ITPR3: variants seen among roughly 807,000 people sequenced by gnomAD.
ITPR3 encodes the protein inositol 1,4,5-trisphosphate-gated calcium channel ITPR3.
ITPR3 carries 173 observed loss-of-function variants against 293.2 expected under a neutral mutation model. That is an observed-to-expected ratio of 0.59 (90% confidence interval 0.52 to 0.67). ITPR3 has a LOEUF of 0.67. Ranked by LOEUF, ITPR3 falls within the 30% of genes least tolerant of loss-of-function variation. ITPR3 has a pLI of 0.00. For synonymous variants in ITPR3, 1,295 were observed against 1,444.4 expected (o/e 0.90, Z 2.35); for missense variants, 2,796 against 3,592.1 (o/e 0.78, Z 5.66).
intron 1 of ITPR3, among the ~76,000 whole-genome samples, chr6:33,631,661 G>C (rs958971763): frequency 6.6e-6 from 1 of 152,308 alleles, no homozygotes; most frequent in African/African-American, 2.4e-5. Context: ...ATGACTGCGC[G>C]CAGGCCTGGA....
intron 13 of ITPR3, 33 bp downstream of exon 13, chr6:33,665,246 G>T: frequency 6.2e-7 from 1 of 1,600,660 alleles, no homozygotes. Flanking sequence ...TTTTCTGAGT[G>T]ATCTTGCCCT....
Position 33,684,667 on chromosome 6 carries a change from C to T in ITPR3, c.5116C>T (p.Leu1706Phe), listed in dbSNP as rs781677837. ...QNRKSTSRGDLPDPIGTGLDP... is the reference protein window; with the variant it reads ...QNRKSTSRGDFPDPIGTGLDP... ...CCGGAAGTCCACCTCGCGGGGGGAC[C>T]TTCCCGACCCCATAGGCACTGGTCA... Residue 1706 changes from leucine to phenylalanine, a missense_variant, in exon 38 of 58, where the codon CTT becomes TTT. Coordinates refer to ENST00000605930, the MANE Select transcript of ITPR3 (RefSeq NM_002224.4). The surrounding 1 kb of genome is among the most constrained non-coding windows in gnomAD (Gnocchi z 4.2). 2.5e-6 allele frequency: 4 copies of T among 1,613,948 alleles called. No individual in the cohort carries two copies. Among genetic ancestry groups the T allele is most frequent in the Non-Finnish European group, 1.7e-6 (2 of 1,180,014 alleles).
chr6:33,631,942 G>T (rs1035440657), intron 1 of ITPR3, among the ~76,000 whole-genome samples: 7 of 152,204 alleles, frequency 4.6e-5, no homozygotes, highest in African/African-American at 1.4e-4. Flanking sequence ...GCAACAAAGA[G>T]TAATATTAAA....
At chr6:33,686,868 C>T (rs899291404) in intron 43 of ITPR3, 141 bp from the exon 44 acceptor site, 74 of 700,826 alleles carry the variant, frequency 1.1e-4, no homozygotes, top group African/African-American at 3.0e-4. Context: ...CTCATTAAGC[C>T]GGGGGGAGGG....
chr6:33,644,415 G>A (rs186005230), intron 2 of ITPR3, among the ~76,000 whole-genome samples: 57 of 151,382 alleles, frequency 3.8e-4, no homozygotes, highest in Admixed American at 2.4e-3. Flanking sequence ...GAGCCACTGC[G>A]CCTGGCCCAG....
In ITPR3 at chr6:33,689,056, A is replaced by G. The variant is rs139714765; in HGVS notation, c.6695-182A>G. ...GCCAGAAACAAAACCTGGTAGCCGCAGCCGGACAGGGCCTCCCGCTTAGGC... is the reference window on the plus strand; with the variant it reads ...GCCAGAAACAAAACCTGGTAGCCGCGGCCGGACAGGGCCTCCCGCTTAGGC... On this transcript the variant is annotated intron_variant, in intron 49 of 57. Transcript: ENST00000605930. 3.1e-3 allele frequency among the ~76,000 whole-genome samples: 473 copies of G among 152,360 alleles called. 1 individual carries two copies. Among genetic ancestry groups the G allele is most frequent in the Middle Eastern group, 0.01 (3 of 294 alleles).
chr6:33,640,265 G>A (rs932845185), intron 1 of ITPR3, among the ~76,000 whole-genome samples: 18 of 152,108 alleles, frequency 1.2e-4, no homozygotes, highest in Admixed American at 9.2e-4. Flanking sequence ...GGCTGGGTGT[G>A]CTTCTGTGTT....
At position 33,663,891 on chromosome 6, in the gene ITPR3, G is replaced by T. The variant is rs115481559; in HGVS notation, c.1148+11G>T. ...CTCTTTCGTGCCCCGGTGGGTATGCGCCATGTGCCTGGGAGTTGACTGGTG... is the reference window on the plus strand; with the variant it reads ...CTCTTTCGTGCCCCGGTGGGTATGCTCCATGTGCCTGGGAGTTGACTGGTG... On this transcript the variant is annotated intron_variant, in intron 11 of 57. Transcript: ENST00000605930. 738 of 1,613,752 alleles carry T rather than the reference G, an allele frequency of 4.6e-4. 5 individuals carry two copies. In the African/African-American group the frequency reaches 5.3e-3, roughly 12 times the overall value.
Position 33,640,568 on chromosome 6 carries a change from T to A in ITPR3, c.160+14T>A. ...AGAAGTTCCGTGGTAAGACCTCCGC[T>A]TCCTCTGCCCCCGCCCCTCCCAGGC... On this transcript the variant is annotated intron_variant, in intron 2 of 57. Transcript: ENST00000605930. 1 of 1,603,778 alleles carries A rather than the reference T, an allele frequency of 6.2e-7. No homozygotes were observed. Among genetic ancestry groups the A allele is most frequent in the Non-Finnish European group, 8.5e-7 (1 of 1,174,280 alleles).
At chr6:33,622,261 C>T (rs1763455751) in intron 1 of ITPR3, among the ~76,000 whole-genome samples, 1 of 152,200 alleles carries the variant, frequency 6.6e-6, no homozygotes, top group Non-Finnish European at 1.5e-5. Flanking sequence ...CTTCTCCCCG[C>T]CTCTCCCATT....
chr6:33,673,647 G>T lies in ITPR3; in HGVS notation c.2985G>T (p.Lys995Asn). 3 of 1,614,206 alleles carry T rather than the reference G, an allele frequency of 1.9e-6. No homozygotes were observed. Among genetic ancestry groups the T allele is most frequent in the Non-Finnish European group, 8.5e-7 (1 of 1,180,032 alleles). Residue 995 changes from lysine (K) to asparagine (N), a missense_variant, in exon 23 of 58, where the codon AAG becomes AAT. By Grantham distance (94) the Lys-to-Asn change is moderately conservative. Around this residue, in one of 8 missense-constraint regions of ITPR3, gnomAD observed 955 missense variants for 1,180.8 expected, o/e 0.81. Coordinates refer to ENST00000605930, the MANE Select transcript of ITPR3 (RefSeq NM_002224.4). ...TATCCTACCTGCTGTCTGTCTTCAA[G>T]AAGGAGTTTGTGGAGGTGTTTCCCA... ...YRISYLLSVF[K>N]KEFVEVFPMQ...
chr6:33,647,415 C>T (rs1764093626), intron 2 of ITPR3, among the ~76,000 whole-genome samples: 2 of 152,128 alleles, frequency 1.3e-5, no homozygotes, highest in Admixed American at 6.5e-5. Flanking sequence ...AGCAGCATTC[C>T]GTACATTTTC....
chr6:33,645,623 A>G (rs1394994519), intron 2 of ITPR3, among the ~76,000 whole-genome samples: 1 of 152,180 alleles, frequency 6.6e-6, no homozygotes, highest in Non-Finnish European at 1.5e-5. Flanking sequence ...ATGCGCCTCC[A>G]TGGCATGAGA....
chr6:33,694,592 G>C (rs2127326199), intron 56 of ITPR3: 1 of 309,058 alleles, frequency 3.2e-6, no homozygotes, highest in Non-Finnish European at 6.1e-6. Context: ...TCCAGGGTCT[G>C]TCTGGGTGCA....
intron 7 of ITPR3, among the ~76,000 whole-genome samples, chr6:33,660,795 A>C (rs1419299615): frequency 6.6e-6 from 1 of 152,106 alleles, no homozygotes; most frequent in Non-Finnish European, 1.5e-5. Context: ...CAGGCGTGGC[A>C]GTGGGCACCT....
At chr6:33,629,579 C>T (rs536816937) in intron 1 of ITPR3, among the ~76,000 whole-genome samples, 51 of 151,822 alleles carry the variant, frequency 3.4e-4, no homozygotes, top group African/African-American at 7.5e-4. Flanking sequence ...CTCCCGGGTT[C>T]GAGTGATTCT....
Position 33,676,788 on chromosome 6 carries a change from G to A in ITPR3, c.3303G>A (p.Ala1101=), listed in dbSNP as rs368876719. The A allele has an allele frequency of 1.6e-5, 26 of 1,614,082 alleles. No homozygotes were observed. The highest frequency in any genetic ancestry group is 5.3e-5 in the African/African-American group (4 of 74,946). The stretch of plus-strand genomic sequence containing the variant: ...TTCAGGTTCAGCTGCTGATCTCAGC[G>A]CAGGACGTGGAGAACTACAAGGTGA... ...TFKQVQLLIS[A]QDVENYKVIK... is the part of the protein sequence containing the mutation. The change falls in exon 26 of 58, where the codon GCG becomes GCA. Residue 1101 remains alanine (A), a synonymous_variant. Coordinates refer to ENST00000605930, the MANE Select transcript of ITPR3 (RefSeq NM_002224.4).
At chr6:33,653,390 C>T (rs1300202777) in intron 2 of ITPR3, among the ~76,000 whole-genome samples, 2 of 151,500 alleles carry the variant, frequency 1.3e-5, no homozygotes, top group Non-Finnish European at 2.9e-5. Context: ...GCTGGAATTA[C>T]AGGCGTGAGC....
intron 1 of ITPR3, among the ~76,000 whole-genome samples, chr6:33,634,901 A>G (rs556421883): frequency 1.7e-3 from 259 of 152,116 alleles, no homozygotes; most frequent in African/African-American, 6.2e-3. Context: ...GGACCCTCTG[A>G]GGAGGGGGAC....
Sources: allele counts gnomAD v4.1 joint callset (sites outside exome capture counted in the v4.1 genomes callset), GRCh38; gene constraint gnomAD v4.1.1; regional missense constraint gnomAD v4.1.1; non-coding constraint Gnocchi (gnomAD v3.1); transcripts MANE v1.5; gene names NCBI Gene and HGNC (gene_info 2026-07-23, HGNC 2026-07-21).